The following TMEM30A variants were observed in gnomAD, a reference collection of about 807,000 sequenced individuals.
TMEM30A encodes the protein cell division cycle 50 P4-ATPase accessory subunit A.
Under a neutral mutation model 38.2 loss-of-function variants are expected in TMEM30A, and 24 were observed. The observed-to-expected ratio is 0.63, with a 90% confidence interval of 0.46 to 0.88. The LOEUF (loss-of-function observed/expected upper bound fraction) is 0.88. Among genes scored for constraint, TMEM30A ranks in the 40% least tolerant of loss-of-function variants. TMEM30A has a pLI of 0.00. For missense variants in TMEM30A, 370 were observed against 458.6 expected (o/e 0.81, Z 1.77); for synonymous variants, 145 against 161.6 (o/e 0.90, Z 0.78).
chr6:75,262,069 G>A (rs926050017), intron 3 of TMEM30A, among the ~76,000 whole-genome samples: 2 of 152,040 alleles, frequency 1.3e-5, no homozygotes, highest in Admixed American at 6.5e-5. Context: ...GATGAGGGCC[G>A]GGTGCGGTGG....
Position 75,284,528 on chromosome 6 carries a change from C to T in TMEM30A, c.111G>A (p.Arg37=). The T allele has an allele frequency of 6.2e-7, 1 of 1,611,580 alleles. No homozygotes were observed. Among genetic ancestry groups the T allele is most frequent in the South Asian group, 1.1e-5 (1 of 90,910 alleles). ...TAAGGATGGGCTGCCAAGCTGGCAG[C>T]CGTTGCTGTTTGAAGGCCGTGTTAT... ...RPDNTAFKQQ[R]LPAWQPILTA... The change falls in exon 1 of 7, where the codon CGG becomes CGA. Residue 37 remains arginine, a synonymous_variant. Coordinates refer to ENST00000230461, the MANE Select transcript of TMEM30A (RefSeq NM_018247.4).
chr6:75,281,300 G>C (rs182859883), intron 1 of TMEM30A, among the ~76,000 whole-genome samples: 39 of 152,230 alleles, frequency 2.6e-4, no homozygotes, highest in Middle Eastern at 3.4e-3. Context: ...TCCTAGACTA[G>C]AAAATCAGTG....
chr6:75,258,752 A>C (rs1175572872), intron 6 of TMEM30A, 28 bp downstream of exon 6: 1 of 1,604,740 alleles, frequency 6.2e-7, no homozygotes, highest in South Asian at 1.1e-5. Flanking sequence ...AGCTCTATGA[A>C]TCTGTATACC....
At chr6:75,258,620 G>A (rs531486307) in intron 6 of TMEM30A, among the ~76,000 whole-genome samples, 160 bp downstream of exon 6, 5 of 152,218 alleles carry the variant, frequency 3.3e-5, no homozygotes, top group African/African-American at 9.6e-5. Flanking sequence ...TCTAGAAGAC[G>A]TAAATTTAAA....
Position 75,270,541 on chromosome 6 carries a change from A to C in TMEM30A, c.238-2793T>G, listed in dbSNP as rs113212442. 3.2e-3 allele frequency among the ~76,000 whole-genome samples: 481 copies of C among 152,282 alleles called. 5 individuals carry two copies. Among genetic ancestry groups the C allele is most frequent in the African/African-American group, 0.011 (469 of 41,558 alleles). On this transcript the variant is annotated intron_variant, in intron 1 of 6. Transcript: ENST00000230461. ...CTCTCAATCTCTATCATCTGAGGAC[A>C]AAGGAAGATGGCAGCCATCTACAAG...
At chr6:75,268,463 T>G (rs1222921925) in intron 1 of TMEM30A, among the ~76,000 whole-genome samples, 1 of 152,186 alleles carries the variant, frequency 6.6e-6, no homozygotes, top group East Asian at 1.9e-4. Flanking sequence ...GTTCAATCAA[T>G]CAAGCCTACA....
Position 75,264,801 on chromosome 6 carries a change from T to G in TMEM30A, c.453+430A>C, listed in dbSNP as rs536779292. Among the ~76,000 whole-genome samples the G allele has an allele frequency of 7.8e-4, 118 of 151,770 alleles. 1 individual carries two copies. In the Middle Eastern group the frequency reaches 0.01, roughly 13 times the overall value. On this transcript the variant is annotated intron_variant, in intron 3 of 6. Coordinates refer to ENST00000230461, the MANE Select transcript of TMEM30A (RefSeq NM_018247.4). ...GAATTCCAGGAAAAAATATTTTAAC[T>G]AAAAATCCTCATGATACAGGCCAGG...
chr6:75,263,812 T>C (rs978826206), intron 3 of TMEM30A, among the ~76,000 whole-genome samples: 15 of 152,230 alleles, frequency 9.9e-5, no homozygotes, highest in Non-Finnish European at 2.1e-4. Context: ...AGTTGATCTA[T>C]TCCTGGTGTG....
intron 1 of TMEM30A, among the ~76,000 whole-genome samples, chr6:75,277,270 G>T (rs1772278206): frequency 8.0e-6 from 1 of 125,144 alleles, no homozygotes; most frequent in African/African-American, 3.1e-5. Flanking sequence ...TTGTGACTAA[G>T]CAGAAGACTT....
chr6:75,263,691 G>T (rs1772012680), intron 3 of TMEM30A, among the ~76,000 whole-genome samples: 1 of 152,150 alleles, frequency 6.6e-6, no homozygotes, highest in Non-Finnish European at 1.5e-5. Flanking sequence ...AGCAAACAAG[G>T]CCCAGGGCAG....
At chr6:75,282,614 TTAAAGCTGGGAATCA>T (rs1184171201) in intron 1 of TMEM30A, among the ~76,000 whole-genome samples, 2 of 152,182 alleles carry the variant, frequency 1.3e-5, no homozygotes, top group African/African-American at 4.8e-5. Flanking sequence ...GGGTGAAAGC[TTAAAGCTGGGAATCA>T]AGACACCTGA....
intron 4 of TMEM30A, 111 bp downstream of exon 4, chr6:75,260,713 T>G (rs897909176): frequency 1.7e-6 from 1 of 589,390 alleles, no homozygotes; most frequent in Non-Finnish European, 2.7e-6. Context: ...GATTTAGTCT[T>G]AAATGTTTGA....
chr6:75,259,104 C>A (rs1771920013), intron 5 of TMEM30A, 118 bp from the exon 6 acceptor site: 3 of 930,982 alleles, frequency 3.2e-6, no homozygotes, highest in African/African-American at 3.4e-5. Context: ...AGCTTTGCTG[C>A]AATTTTAAAA....
Position 75,265,264 on chromosome 6 carries a change from A to G in TMEM30A, c.420T>C (p.Asp140=). 1 of 1,611,076 alleles carries G rather than the reference A, an allele frequency of 6.2e-7. No individual in the cohort carries two copies. Among genetic ancestry groups the G allele is most frequent in the Non-Finnish European group, 8.5e-7 (1 of 1,178,140 alleles). ...NHRRYVKSRD[D]SQLNGDSSAL... is the part of the protein sequence containing the mutation. ...CACTAGAATCTCCATTTAGTTGACT[A>G]TCATCTCGAGATTTCACGTAACGAC... The change falls in exon 3 of 7, where the codon GAT becomes GAC. Residue 140 remains aspartate (D), a synonymous_variant. Coordinates refer to ENST00000230461, the MANE Select transcript of TMEM30A (RefSeq NM_018247.4).
At chr6:75,260,985 T>C in intron 3 of TMEM30A, 74 bp from the exon 4 acceptor site, 1 of 1,010,332 alleles carries the variant, frequency 9.9e-7, no homozygotes, top group East Asian at 2.5e-5. Flanking sequence ...ATCCCTAAAT[T>C]ACTGATTAAG....
intron 1 of TMEM30A, 137 bp from the exon 2 acceptor site, chr6:75,267,885 C>A: frequency 4.3e-6 from 2 of 469,790 alleles, no homozygotes; most frequent in Non-Finnish European, 7.4e-6. Context: ...TTTTTAAGGT[C>A]ATCTGTTTGA....
At chr6:75,278,676 A>C (rs1222413221) in intron 1 of TMEM30A, among the ~76,000 whole-genome samples, 1 of 152,186 alleles carries the variant, frequency 6.6e-6, no homozygotes, top group African/African-American at 2.4e-5. Context: ...CATGAGACTG[A>C]AAATCATAAT....
Position 75,260,842 on chromosome 6 carries a change from C to A in TMEM30A, c.523G>T (p.Ala175Ser). 6.3e-7 allele frequency: 1 copy of A among 1,595,544 alleles called. No homozygotes were observed. The highest frequency in any genetic ancestry group is 1.8e-5 in the Admixed American group (1 of 54,382). The change falls in exon 4 of 7, where the codon GCC becomes TCC. Residue 175 changes from alanine to serine, a missense_variant. Physicochemically the swap from Ala to Ser is moderately conservative, Grantham distance 99 (BLOSUM62 1). Transcript: ENST00000230461. ...DKPIAPCGAIANSMFNDTLEL... is the reference protein window; with the variant it reads ...DKPIAPCGAISNSMFNDTLEL... The stretch of plus-strand genomic sequence containing the variant: ...ATCATACCATTAAACATGCTGTTGG[C>A]AATAGCTCCACAAGGAGCAATTGGT...
intron 1 of TMEM30A, among the ~76,000 whole-genome samples, chr6:75,271,716 A>C (rs893536672): frequency 2.6e-5 from 4 of 152,230 alleles, no homozygotes; most frequent in Admixed American, 6.5e-5. Flanking sequence ...GCTAGTGCTA[A>C]GCTGGAACCA....
Sources: allele counts gnomAD v4.1 joint callset (sites outside exome capture counted in the v4.1 genomes callset), GRCh38; gene constraint gnomAD v4.1.1; transcripts MANE v1.5; gene names NCBI Gene and HGNC (gene_info 2026-07-23, HGNC 2026-07-21).